The following TCERG1L variants were observed in gnomAD, a reference collection of about 807,000 sequenced individuals.
TCERG1L encodes transcription elongation regulator 1 like.
TCERG1L carries 37 observed loss-of-function variants against 56.3 expected under a neutral mutation model. That is an observed-to-expected ratio of 0.66 (90% CI 0.51 to 0.87). The LOEUF (loss-of-function observed/expected upper bound fraction) is 0.87. Ranked by LOEUF, TCERG1L falls within the 40% of genes least tolerant of loss-of-function variation. The pLI, the probability that TCERG1L is intolerant of heterozygous loss-of-function variation, is 0.00. For synonymous variants in TCERG1L, 324 were observed against 326.3 expected (o/e 0.99, Z 0.08); for missense variants, 799 against 774.2 (o/e 1.03, Z -0.38).
chr10:131,267,678 G>A lies in TCERG1L; in HGVS notation c.671-7234C>T, dbSNP rs1846300523. 6.6e-6 allele frequency among the ~76,000 whole-genome samples: 1 copy of A among 152,218 alleles called. No homozygotes were observed. The highest frequency in any genetic ancestry group is 6.5e-5 in the Admixed American group (1 of 15,290). ...GGCAGAGTGTGAGGTTGAAGCTGTGGCAGAGGCTCCAAGCCTCGGAGCAGG... is the reference window on the plus strand; with the variant it reads ...GGCAGAGTGTGAGGTTGAAGCTGTGACAGAGGCTCCAAGCCTCGGAGCAGG... On this transcript the variant is annotated intron_variant, in intron 3 of 11. Coordinates refer to ENST00000368642, the MANE Select transcript of TCERG1L (RefSeq NM_174937.4). The surrounding 1 kb of genome is among the most constrained non-coding windows in gnomAD (Gnocchi z 4.9).
At position 131,190,404 on chromosome 10, in the gene TCERG1L, C is replaced by T. The variant is rs545951967; in HGVS notation, c.857-23519G>A. Among the ~76,000 whole-genome samples, 15 of 152,222 alleles carry T rather than the reference C, an allele frequency of 9.9e-5. No individual in the cohort carries two copies. The South Asian group carries it at 2.7e-3, about 27-fold the overall frequency. On this transcript the variant is annotated intron_variant, in intron 4 of 11. Coordinates refer to ENST00000368642, the MANE Select transcript of TCERG1L (RefSeq NM_174937.4). ...TCCAAAAGATTAAGAAACAAGGAGG[C>T]CTCCCTAAATCATTCTATGAAGCTA...
At chr10:131,266,993 C>T (rs1240051853) in intron 3 of TCERG1L, among the ~76,000 whole-genome samples, 2 of 152,086 alleles carry the variant, frequency 1.3e-5, no homozygotes, top group South Asian at 4.2e-4. Context: ...GTCCCTACTC[C>T]AGTCCAGAGG....
intron 4 of TCERG1L, among the ~76,000 whole-genome samples, chr10:131,182,705 G>T (rs1161437720): frequency 1.3e-5 from 2 of 152,156 alleles, no homozygotes; most frequent in East Asian, 1.9e-4. Flanking sequence ...TATCAAGTCG[G>T]CTCTGACTTT....
At chr10:131,172,287 G>T (rs1224346307) in intron 4 of TCERG1L, among the ~76,000 whole-genome samples, 1 of 151,982 alleles carries the variant, frequency 6.6e-6, no homozygotes, top group Admixed American at 6.6e-5. Flanking sequence ...ACCCGGGGAA[G>T]TGAATGGACC....
At chr10:131,156,696 T>C (rs1845926772) in intron 6 of TCERG1L, among the ~76,000 whole-genome samples, 1 of 152,142 alleles carries the variant, frequency 6.6e-6, no homozygotes, top group African/African-American at 2.4e-5. Flanking sequence ...AGAAAAGCAC[T>C]GTGAAAATCC....
intron 3 of TCERG1L, among the ~76,000 whole-genome samples, chr10:131,263,895 T>C (rs1846257995): frequency 6.6e-6 from 1 of 152,220 alleles, no homozygotes; most frequent in African/African-American, 2.4e-5. Context: ...TTAACCTGCT[T>C]AGTGGGCCTC....
chr10:131,116,268 G>A (rs1351105397), intron 9 of TCERG1L, among the ~76,000 whole-genome samples: 3 of 152,194 alleles, frequency 2.0e-5, no homozygotes, highest in African/African-American at 4.8e-5. Flanking sequence ...AAACAGTCAC[G>A]TTCATCTGAA....
At chr10:131,112,486 ATTCTT>A (rs936375762) in intron 9 of TCERG1L, among the ~76,000 whole-genome samples, 3 of 141,402 alleles carry the variant, frequency 2.1e-5, no homozygotes, top group African/African-American at 7.5e-5. Flanking sequence ...CTGCCTGGCT[ATTCTT>A]CCCTTTCAAC....
intron 9 of TCERG1L, among the ~76,000 whole-genome samples, chr10:131,107,903 G>A (rs1162415605): frequency 6.6e-6 from 1 of 150,610 alleles, no homozygotes; most frequent in Non-Finnish European, 1.5e-5. Flanking sequence ...TTGCACAAAT[G>A]CACACATACG....
chr10:131,213,748 A>C (rs1228527099), intron 4 of TCERG1L, among the ~76,000 whole-genome samples: 1 of 152,190 alleles, frequency 6.6e-6, no homozygotes, highest in Non-Finnish European at 1.5e-5. Flanking sequence ...AGGGACTCTT[A>C]AGGGCAAGGG....
intron 7 of TCERG1L, among the ~76,000 whole-genome samples, chr10:131,138,980 T>C (rs1447516419): frequency 1.3e-5 from 2 of 152,164 alleles, no homozygotes; most frequent in Admixed American, 1.3e-4. Context: ...AGTAACTCAA[T>C]AAGAAAGATA....
intron 6 of TCERG1L, among the ~76,000 whole-genome samples, chr10:131,158,199 A>G (rs950233818): frequency 5.9e-5 from 9 of 152,358 alleles, no homozygotes; most frequent in African/African-American, 2.2e-4. Flanking sequence ...TCCTGCAGGG[A>G]ATGGGAGAAA....
At chr10:131,263,651 A>G (rs1374205023) in intron 3 of TCERG1L, among the ~76,000 whole-genome samples, 1 of 152,270 alleles carries the variant, frequency 6.6e-6, no homozygotes, top group Non-Finnish European at 1.5e-5. Context: ...TAACGACGAC[A>G]TAAACAACCG....
chr10:131,301,461 G>C (rs755403636), intron 3 of TCERG1L, among the ~76,000 whole-genome samples: 1 of 151,942 alleles, frequency 6.6e-6, no homozygotes, highest in Non-Finnish European at 1.5e-5. Context: ...GATAATTACA[G>C]ATATTTTGAA....
chr10:131,092,640 G>A lies in TCERG1L; in HGVS notation c.*522C>T, dbSNP rs925602612. 2 of 152,714 alleles carry A rather than the reference G, an allele frequency of 1.3e-5. No individual in the cohort carries two copies. The highest frequency in any genetic ancestry group is 4.8e-5 in the African/African-American group (2 of 41,446). 9.5% of individuals were successfully genotyped at this position (152,714 alleles called of 1,614,324 possible). A position where few individuals can be genotyped will look rare whatever the true frequency, so the allele number is the denominator to read the frequency against. ...AAACCTGTAAGTGATCCACGGTCCA[G>A]GTGTGGAATGCTCACAGTTGTCACT... On this transcript the variant is annotated 3_prime_UTR_variant, in exon 12 of 12. Coordinates refer to ENST00000368642, the MANE Select transcript of TCERG1L (RefSeq NM_174937.4).
At chr10:131,289,007 T>C (rs1846577539) in intron 3 of TCERG1L, among the ~76,000 whole-genome samples, 1 of 152,228 alleles carries the variant, frequency 6.6e-6, no homozygotes, top group Non-Finnish European at 1.5e-5. Flanking sequence ...GAATCCACTA[T>C]GCATTCCCAA....
At chr10:131,242,414 A>G (rs980840329) in intron 4 of TCERG1L, among the ~76,000 whole-genome samples, 5 of 152,226 alleles carry the variant, frequency 3.3e-5, no homozygotes, top group African/African-American at 1.2e-4. Flanking sequence ...AGTGCACAAG[A>G]AAGTCACCAT....
Position 131,260,453 on chromosome 10 carries a change from G to T in TCERG1L, c.671-9C>A. Reference sequence around the variant, plus strand: ...GCTGTTATGGCAGCCACCTGCGGAAGAGGGATGCAGAGGGTCAGCAAGGGG... The same window carrying T: ...GCTGTTATGGCAGCCACCTGCGGAATAGGGATGCAGAGGGTCAGCAAGGGG... On this transcript the variant is annotated splice_polypyrimidine_tract_variant and intron_variant, in intron 3 of 11. Coordinates refer to ENST00000368642, the MANE Select transcript of TCERG1L (RefSeq NM_174937.4). The surrounding 1 kb of genome is among the most constrained non-coding windows in gnomAD (Gnocchi z 5.8). 1.5e-6 allele frequency: 2 copies of T among 1,369,012 alleles called. No homozygotes were observed. The highest frequency in any genetic ancestry group is 3.5e-5 in the South Asian group (2 of 57,296). The allele number at this position is 1,369,012 out of a possible 1,614,324, so 84.8% of individuals were successfully genotyped here.
At chr10:131,112,301 A>C (rs542385843) in intron 9 of TCERG1L, among the ~76,000 whole-genome samples, 2 of 141,918 alleles carry the variant, frequency 1.4e-5, no homozygotes, top group African/African-American at 5.0e-5. Flanking sequence ...TGTCCTGGAG[A>C]TGCCTGTCTG....
Sources: allele counts gnomAD v4.1 joint callset (sites outside exome capture counted in the v4.1 genomes callset), GRCh38; gene constraint gnomAD v4.1.1; non-coding constraint Gnocchi (gnomAD v3.1); transcripts MANE v1.5; gene names NCBI Gene and HGNC (gene_info 2026-07-23, HGNC 2026-07-21).